RAB14: variants seen among roughly 807,000 people sequenced by gnomAD.
RAB14 encodes ras-related protein Rab-14.
RAB14 carries 3 observed loss-of-function variants against 31.1 expected under a neutral mutation model. The ratio of observed to expected loss-of-function variants is 0.10; its 90% CI spans 0.04 to 0.25. RAB14 has a LOEUF of 0.25. Among genes scored for constraint, RAB14 ranks in the 10% least tolerant of loss-of-function variants. The probability of loss-of-function intolerance (pLI) is 1.00; values close to 1 mark genes in which losing one functional copy is unlikely to be tolerated. For synonymous variants in RAB14, 85 were observed against 84.9 expected, an observed-to-expected ratio of 1.00 and a Z score of 0.00; for missense variants, 111 against 260.1, an observed-to-expected ratio of 0.43 and a Z score of 3.94.
At chr9:121,198,131 A>G (rs1191663079) in intron 1 of RAB14, among the ~76,000 whole-genome samples, 2 of 152,062 alleles carry the variant, frequency 1.3e-5, no homozygotes, top group African/African-American at 4.8e-5. Flanking sequence ...GAAATTATTA[A>G]CTTTTCTTTA....
intron 3 of RAB14, among the ~76,000 whole-genome samples, chr9:121,191,932 A>T (rs1049899157): frequency 4.6e-5 from 7 of 152,134 alleles, no homozygotes; most frequent in Non-Finnish European, 8.8e-5. Flanking sequence ...ATGTATTTTT[A>T]AAAATTATTT....
At chr9:121,189,312 T>C (rs2053674445) in intron 4 of RAB14, among the ~76,000 whole-genome samples, 1 of 152,142 alleles carries the variant, frequency 6.6e-6, no homozygotes, top group African/African-American at 2.4e-5. Context: ...GCAAAAACAA[T>C]ATTCTTAGCA....
At chr9:121,194,074 C>A (rs2053700898) in intron 1 of RAB14, among the ~76,000 whole-genome samples, 1 of 139,476 alleles carries the variant, frequency 7.2e-6, no homozygotes, top group African/African-American at 2.6e-5. Flanking sequence ...CAACCTAATA[C>A]AGGACTTGCA....
intron 7 of RAB14, 23 bp from the exon 8 acceptor site, chr9:121,181,596 A>T: frequency 6.3e-7 from 1 of 1,575,314 alleles, no homozygotes; most frequent in Non-Finnish European, 8.7e-7. Flanking sequence ...TGATAACTTT[A>T]TTGGAGAACC....
At chr9:121,190,933 G>A (rs1332041771) in intron 3 of RAB14, among the ~76,000 whole-genome samples, 1 of 152,116 alleles carries the variant, frequency 6.6e-6, no homozygotes, top group Admixed American at 6.6e-5. Flanking sequence ...ATCGGGGTCA[G>A]CAAACTTCTA....
chr9:121,193,316 G>T, intron 2 of RAB14, 45 bp downstream of exon 2: 1 of 1,335,790 alleles, frequency 7.5e-7, no homozygotes, highest in Non-Finnish European at 1.1e-6. Context: ...TATTTTGTAT[G>T]TTAACCTTCT....
chr9:121,190,482 C>A, intron 4 of RAB14, 72 bp downstream of exon 4: 1 of 1,346,328 alleles, frequency 7.4e-7, no homozygotes, highest in Admixed American at 2.5e-5. Flanking sequence ...AAAAAAATGC[C>A]TATCAATTTT....
chr9:121,201,283 G>T (rs975133783), intron 1 of RAB14, among the ~76,000 whole-genome samples: 1 of 152,146 alleles, frequency 6.6e-6, no homozygotes, highest in Non-Finnish European at 1.5e-5. Flanking sequence ...GGGGAACAGC[G>T]GCGAGAGGGG....
At chr9:121,193,728 A>C (rs1248390831) in intron 1 of RAB14, among the ~76,000 whole-genome samples, 1 of 152,156 alleles carries the variant, frequency 6.6e-6, no homozygotes, top group Non-Finnish European at 1.5e-5. Flanking sequence ...ATAAGTATTA[A>C]TCTGAAAATT....
intron 5 of RAB14, 79 bp from the exon 6 acceptor site, chr9:121,183,477 A>T (rs1180147154): frequency 2.7e-6 from 3 of 1,128,298 alleles, no homozygotes; most frequent in Non-Finnish European, 3.9e-6. Context: ...GAAATCCAAA[A>T]ATCTTGATAG....
At position 121,201,739 on chromosome 9, in the gene RAB14, CGA is replaced by C. The variant is rs2053789471; in HGVS notation, c.-110_-109del. 6.5e-6 allele frequency: 1 copy of C among 152,844 alleles called. No homozygotes were observed. 9.5% of individuals were successfully genotyped at this position (152,844 alleles called of 1,614,324 possible). A position where few individuals can be genotyped will look rare whatever the true frequency, so the allele number is the denominator to read the frequency against. On this transcript the variant is annotated 5_prime_UTR_variant, in exon 1 of 8. Coordinates refer to ENST00000373840, the MANE Select transcript of RAB14 (RefSeq NM_016322.4). Reference sequence around the variant, plus strand: ...CAGCGGGAGAGGGGGCGGGGGCGGTCGACCGAGGCGCCGGCAGGTACACTGGC... The same window carrying C: ...CAGCGGGAGAGGGGGCGGGGGCGGTCCCGAGGCGCCGGCAGGTACACTGGC...
chr9:121,184,774 C>G (rs2053650701), intron 5 of RAB14, among the ~76,000 whole-genome samples: 1 of 152,100 alleles, frequency 6.6e-6, no homozygotes, highest in African/African-American at 2.4e-5. Flanking sequence ...AAGAAACTTT[C>G]ATATACTATC....
At chr9:121,192,255 A>C in intron 2 of RAB14, 31 bp from the exon 3 acceptor site, 1 of 1,531,424 alleles carries the variant, frequency 6.5e-7, no homozygotes, top group Non-Finnish European at 8.9e-7. Context: ...TTCAGGTGGC[A>C]ATTACATTTC....
At chr9:121,186,735 C>A (rs1473532641) in intron 5 of RAB14, among the ~76,000 whole-genome samples, 1 of 152,062 alleles carries the variant, frequency 6.6e-6, no homozygotes, top group African/African-American at 2.4e-5. Context: ...ATAGTAATGA[C>A]AAACATGAAC....
Position 121,179,669 on chromosome 9 carries a change from A to G in RAB14, c.*1727T>C, listed in dbSNP as rs1036525719. The G allele has an allele frequency of 6.5e-6, 1 of 152,686 alleles. No individual in the cohort carries two copies. The highest frequency in any genetic ancestry group is 6.5e-5 in the Admixed American group (1 of 15,290). The allele number at this position is 152,686 out of a possible 1,614,324, so 9.5% of individuals were successfully genotyped here. ...TTTTTTAAAAAGTTAAACAAAGACA[A>G]AAATAAAAATGAATCCACAAATTAA... On this transcript the variant is annotated 3_prime_UTR_variant, in exon 8 of 8. Coordinates refer to ENST00000373840, the MANE Select transcript of RAB14 (RefSeq NM_016322.4).
chr9:121,187,695 T>C (rs2053665281), intron 4 of RAB14, among the ~76,000 whole-genome samples: 2 of 152,062 alleles, frequency 1.3e-5, no homozygotes, highest in Admixed American at 6.6e-5. Flanking sequence ...TAAAAACTCA[T>C]AGGCTCATTT....
intron 4 of RAB14, among the ~76,000 whole-genome samples, chr9:121,189,699 G>A (rs898183470): frequency 2.6e-5 from 4 of 151,978 alleles, no homozygotes; most frequent in Non-Finnish European, 5.9e-5. Flanking sequence ...ATATGCTAAC[G>A]CACATTATGA....
chr9:121,195,108 T>C (rs1170051029), intron 1 of RAB14, among the ~76,000 whole-genome samples: 1 of 152,160 alleles, frequency 6.6e-6, no homozygotes, highest in Non-Finnish European at 1.5e-5. Flanking sequence ...CTTTTAAGAA[T>C]GAACTTGGTC....
intron 4 of RAB14, among the ~76,000 whole-genome samples, chr9:121,188,814 G>A (rs1468531853): frequency 6.6e-6 from 1 of 151,924 alleles, no homozygotes; most frequent in Non-Finnish European, 1.5e-5. Context: ...ACAATATAAT[G>A]AACATATCAT....
Sources: allele counts gnomAD v4.1 joint callset (sites outside exome capture counted in the v4.1 genomes callset), GRCh38; gene constraint gnomAD v4.1.1; transcripts MANE v1.5; gene names NCBI Gene and HGNC (gene_info 2026-07-23, HGNC 2026-07-21).